Variants in ST3GAL3 observed in about 807,000 individuals in gnomAD.
ST3GAL3 encodes CMP-N-acetylneuraminate-beta-1,4-galactoside alpha-2,3-sialyltransferase.
Under a neutral mutation model 50.1 loss-of-function variants are expected in ST3GAL3, and 21 were observed. That is an observed-to-expected ratio of 0.42 (90% CI 0.30 to 0.60). The LOEUF (loss-of-function observed/expected upper bound fraction) is 0.60. Ranked by LOEUF, ST3GAL3 falls within the 20% of genes least tolerant of loss-of-function variation. ST3GAL3 has a pLI of 0.19. For synonymous variants in ST3GAL3, 183 were observed against 190.0 expected (o/e 0.96, Z 0.30); for missense variants, 353 against 489.4 (o/e 0.72, Z 2.63).
chr1:43,765,790 C>A (rs1388272085), intron 2 of ST3GAL3, among the ~76,000 whole-genome samples: 1 of 148,418 alleles, frequency 6.7e-6, no homozygotes, highest in Non-Finnish European at 1.5e-5. Context: ...TGTGTGCGCG[C>A]GCGCGCGCGC....
chr1:43,784,085 T>C (rs574866230), intron 2 of ST3GAL3, among the ~76,000 whole-genome samples: 1 of 152,284 alleles, frequency 6.6e-6, no homozygotes, highest in African/African-American at 2.4e-5. Context: ...TCACTTTCCA[T>C]GCTTCAGTGC....
At chr1:43,747,162 C>T (rs138648472) in intron 2 of ST3GAL3, among the ~76,000 whole-genome samples, 2,191 of 152,224 alleles carry the variant, frequency 0.014, 55 homozygotes, top group African/African-American at 0.05. Context: ...ATAATCCCAC[C>T]ACTTTGAGAG....
intron 2 of ST3GAL3, among the ~76,000 whole-genome samples, chr1:43,740,271 G>C (rs1325547940): frequency 1.3e-5 from 2 of 151,136 alleles, no homozygotes; most frequent in African/African-American, 4.9e-5. Flanking sequence ...GCTGAGGCAG[G>C]AGAACCGCTT....
chr1:43,879,023 A>G (rs1008413105), intron 5 of ST3GAL3: 2 of 456,222 alleles, frequency 4.4e-6, no homozygotes, highest in African/African-American at 4.0e-5. Flanking sequence ...ATACGTGCTT[A>G]CAGAGAAAAC....
chr1:43,761,420 T>C (rs1024186578), intron 2 of ST3GAL3, among the ~76,000 whole-genome samples: 6 of 152,130 alleles, frequency 3.9e-5, no homozygotes, highest in Non-Finnish European at 8.8e-5. Context: ...GAAATGTCTT[T>C]GTGTTTTATA....
Position 43,809,964 on chromosome 1 carries a change from A to G in ST3GAL3, c.167-4927A>G, listed in dbSNP as rs181301905. Reference sequence around the variant, plus strand: ...GCCGGGATTGCACCACTGTACTCCAACCTGGGCCACAGAGTGAGACCCTGT... The same window carrying G: ...GCCGGGATTGCACCACTGTACTCCAGCCTGGGCCACAGAGTGAGACCCTGT... On this transcript the variant is annotated intron_variant, in intron 3 of 11. Coordinates refer to ENST00000347631, the MANE Select transcript of ST3GAL3 (RefSeq NM_006279.5). Among the ~76,000 whole-genome samples, 5 of 149,472 alleles carry G rather than the reference A, an allele frequency of 3.3e-5. 1 individual carries two copies. Among genetic ancestry groups the G allele is most frequent in the Admixed American group, 2.7e-4 (4 of 14,984 alleles).
intron 1 of ST3GAL3, 56 bp from the exon 2 acceptor site, chr1:43,736,177 A>G: frequency 1.4e-6 from 2 of 1,473,674 alleles, no homozygotes; most frequent in Non-Finnish European, 1.9e-6. Flanking sequence ...TTAAGAGAGA[A>G]TATATCAATA....
chr1:43,762,142 G>A (rs1189106916), intron 2 of ST3GAL3, among the ~76,000 whole-genome samples: 5 of 150,414 alleles, frequency 3.3e-5, no homozygotes, highest in African/African-American at 9.8e-5. Context: ...GTGGTGGCAC[G>A]TGCCTATAGT....
chr1:43,788,282 C>T (rs1015434487), intron 2 of ST3GAL3, among the ~76,000 whole-genome samples: 4 of 152,140 alleles, frequency 2.6e-5, no homozygotes, highest in Non-Finnish European at 1.5e-5. Flanking sequence ...ATCAGGACTG[C>T]TTGTGAGTAC....
In ST3GAL3 at chr1:43,922,804, GAAA is replaced by G. The variant is rs59235536; in HGVS notation, c.1038+1889_1038+1891del. ...GACAGAGCAAGACTGTCTCAAAAAA[GAAA>G]AAAAAAAAAAAAGGCCAGGCATGGT... On this transcript the variant is annotated intron_variant, in intron 11 of 11. Transcript: ENST00000347631. Among the ~76,000 whole-genome samples the G allele has an allele frequency of 5.4e-5, 6 of 111,948 alleles. 1 individual carries two copies. The South Asian group carries it at 1.6e-3, about 30-fold the overall frequency. The allele number at this position is 111,948 out of a possible 152,430, so 73.4% of individuals were successfully genotyped here.
chr1:43,731,832 C>T (rs561300180), intron 1 of ST3GAL3, among the ~76,000 whole-genome samples: 3 of 152,028 alleles, frequency 2.0e-5, no homozygotes, highest in African/African-American at 7.2e-5. Context: ...ATGCCCGGCC[C>T]TGACTAATTT....
chr1:43,858,368 C>T (rs746274525), intron 5 of ST3GAL3: 50 of 1,206,826 alleles, frequency 4.1e-5, no homozygotes, highest in Non-Finnish European at 5.3e-5. Context: ...CTTTGCAGAC[C>T]AGTTCCAGGC....
chr1:43,817,853 CTCCTCCTCCTCT>C lies in ST3GAL3; in HGVS notation c.209+2932_209+2943del, dbSNP rs1390977421. On this transcript the variant is annotated intron_variant, in intron 4 of 11. Coordinates refer to ENST00000347631, the MANE Select transcript of ST3GAL3 (RefSeq NM_006279.5). ...CTTCCTCCTTCTTCTTCTCCTTCTCCTCCTCCTCCTCTTCCTCCTCCTCCTCCTCCTTCTTTC... is the reference window on the plus strand; with the variant it reads ...CTTCCTCCTTCTTCTTCTCCTTCTCCTCCTCCTCCTCCTCCTCCTTCTTTC... Among the ~76,000 whole-genome samples the C allele has an allele frequency of 4.4e-5, 6 of 134,852 alleles. 1 individual carries two copies. In the South Asian group the frequency reaches 1.5e-3, roughly 35 times the overall value. 88.5% of individuals were successfully genotyped at this position (134,852 alleles called of 152,430 possible). A position where few individuals can be genotyped will look rare whatever the true frequency, so the allele number is the denominator to read the frequency against.
At chr1:43,778,388 C>A (rs973241753) in intron 2 of ST3GAL3, among the ~76,000 whole-genome samples, 1 of 152,154 alleles carries the variant, frequency 6.6e-6, no homozygotes, top group South Asian at 2.1e-4. Flanking sequence ...CTTTAACAAA[C>A]CTGCACAACC....
chr1:43,837,641 T>C (rs2064591270), intron 4 of ST3GAL3, among the ~76,000 whole-genome samples: 1 of 152,190 alleles, frequency 6.6e-6, no homozygotes, highest in Non-Finnish European at 1.5e-5. Context: ...TTGATAGAGC[T>C]CCTCGTTTCC....
At chr1:43,810,494 G>A (rs2154172834) in intron 3 of ST3GAL3, among the ~76,000 whole-genome samples, 1 of 152,248 alleles carries the variant, frequency 6.6e-6, no homozygotes, top group East Asian at 1.9e-4. Context: ...CATTGTAGCT[G>A]GCTATGCATT....
chr1:43,903,024 C>T (rs1464506018), intron 9 of ST3GAL3, among the ~76,000 whole-genome samples: 1 of 152,140 alleles, frequency 6.6e-6, no homozygotes, highest in African/African-American at 2.4e-5. Context: ...AAGAAGGCCT[C>T]TTGGAGGAGT....
chr1:43,770,385 G>A lies in ST3GAL3; in HGVS notation c.119-21717G>A, dbSNP rs531379320. Among the ~76,000 whole-genome samples, 6 of 152,190 alleles carry A rather than the reference G, an allele frequency of 3.9e-5. No individual in the cohort carries two copies. In the South Asian group the frequency reaches 1.2e-3, roughly 32 times the overall value. On this transcript the variant is annotated intron_variant, in intron 2 of 11. Coordinates refer to ENST00000347631, the MANE Select transcript of ST3GAL3 (RefSeq NM_006279.5). ...AACACAAACAGAACAGATTTTAAAAGCACTGACATAGGAGGGAAGGAAGGG... is the reference window on the plus strand; with the variant it reads ...AACACAAACAGAACAGATTTTAAAAACACTGACATAGGAGGGAAGGAAGGG...
Position 43,736,195 on chromosome 1 carries a change from T to G in ST3GAL3, c.-30-38T>G, listed in dbSNP as rs1678350187. On this transcript the variant is annotated intron_variant, in intron 1 of 11. Coordinates refer to ENST00000347631, the MANE Select transcript of ST3GAL3 (RefSeq NM_006279.5). ...AGAGAGAATATATCAATAAGATGAG[T>G]GCTTTGTCTTTTAAGAACTAAACTT... 3.8e-6 allele frequency: 6 copies of G among 1,559,046 alleles called. No individual in the cohort carries two copies. In the East Asian group the frequency reaches 1.3e-4, roughly 35 times the overall value.
Sources: gnomAD v4.1 joint callset for allele counts (sites outside exome capture counted in the v4.1 genomes callset) on GRCh38, gnomAD v4.1.1 for gene constraint, MANE v1.5 for transcripts, NCBI Gene and HGNC (gene_info 2026-07-23, HGNC 2026-07-21) for gene names.